Variants in GPBP1 observed in about 807,000 individuals in gnomAD.
GPBP1 encodes the protein vasculin.
GPBP1 carries 13 observed loss-of-function variants against 56.5 expected under a neutral mutation model. The ratio of observed to expected loss-of-function variants is 0.23; its 90% CI spans 0.15 to 0.37. The LOEUF is 0.37. Ranked by LOEUF, GPBP1 falls within the 10% of genes least tolerant of loss-of-function variation. GPBP1 has a pLI of 1.00. For missense variants in GPBP1, 477 were observed against 572.3 expected, an observed-to-expected ratio of 0.83 and a Z score of 1.70; for synonymous variants, 204 against 188.9, an observed-to-expected ratio of 1.08 and a Z score of -0.66.
intron 3 of GPBP1, among the ~76,000 whole-genome samples, chr5:57,228,420 A>G (rs1422736616): frequency 2.0e-5 from 3 of 151,130 alleles, no homozygotes; most frequent in East Asian, 3.9e-4. Context: ...GCACCATTGC[A>G]CTCCAGCCTG....
At chr5:57,260,039 T>A (rs1351439866) in intron 10 of GPBP1, among the ~76,000 whole-genome samples, 1 of 152,222 alleles carries the variant, frequency 6.6e-6, no homozygotes, top group Non-Finnish European at 1.5e-5. Context: ...TGCTTCAGAA[T>A]CTTGATCCCA....
At chr5:57,208,495 A>G (rs112295807) in intron 2 of GPBP1, among the ~76,000 whole-genome samples, 2,468 of 152,052 alleles carry the variant, frequency 0.016, 67 homozygotes, top group African/African-American at 0.057. Flanking sequence ...GTCCTCCCAC[A>G]GTGCTGGGAT....
chr5:57,182,632 A>G (rs1040447959), intron 2 of GPBP1, among the ~76,000 whole-genome samples: 5 of 151,984 alleles, frequency 3.3e-5, no homozygotes, highest in African/African-American at 9.7e-5. Flanking sequence ...CAGCCTCCCA[A>G]AGTGCTGGGA....
At chr5:57,250,617 A>C (rs905929032) in intron 9 of GPBP1, among the ~76,000 whole-genome samples, 1 of 148,174 alleles carries the variant, frequency 6.7e-6, no homozygotes, top group African/African-American at 2.5e-5. Flanking sequence ...ATCTTGGCTC[A>C]CTGCAACCTC....
chr5:57,228,941 TTGTC>T (rs762279877), intron 3 of GPBP1, among the ~76,000 whole-genome samples: 9 of 151,936 alleles, frequency 5.9e-5, no homozygotes, highest in Admixed American at 2.0e-4. Flanking sequence ...TAATGAATAA[TTGTC>T]TGGGCTGAGT....
intron 6 of GPBP1, among the ~76,000 whole-genome samples, chr5:57,242,113 A>G (rs1435605574): frequency 6.6e-6 from 1 of 152,196 alleles, no homozygotes; most frequent in African/African-American, 2.4e-5. Flanking sequence ...TACACAGGAC[A>G]TAGATTGGTT....
intron 8 of GPBP1, 94 bp from the exon 9 acceptor site, chr5:57,249,315 A>G (rs1395951354): frequency 4.3e-6 from 4 of 923,966 alleles, no homozygotes; most frequent in African/African-American, 3.4e-5. Context: ...TTTTGTGAGT[A>G]AAGGTAAAAT....
At chr5:57,233,870 G>A (rs983140026) in intron 5 of GPBP1, among the ~76,000 whole-genome samples, 1 of 152,162 alleles carries the variant, frequency 6.6e-6, no homozygotes, top group African/African-American at 2.4e-5. Context: ...GGTTAAATTA[G>A]TAATACAATT....
chr5:57,260,628 C>A (rs1012730050), intron 10 of GPBP1, among the ~76,000 whole-genome samples: 1 of 152,106 alleles, frequency 6.6e-6, no homozygotes, highest in African/African-American at 2.4e-5. Context: ...CCATGATACA[C>A]ATTTTTTATG....
intron 10 of GPBP1, among the ~76,000 whole-genome samples, chr5:57,259,204 A>C (rs1431758051): frequency 4.6e-5 from 7 of 152,266 alleles, no homozygotes; most frequent in Non-Finnish European, 1.0e-4. Context: ...TGGGAGACAG[A>C]AAACCAAAAT....
At position 57,233,295 on chromosome 5, in the gene GPBP1, G is replaced by T. The variant is rs570153035; in HGVS notation, c.411+1974G>T. ...TGGTGAGGGAAATAGAAAAATAAAA[G>T]ATTACTCTTAGGTCCTGTTATCAAG... is the stretch of plus-strand genomic sequence containing the variant. On this transcript the variant is annotated intron_variant, in intron 5 of 11. Transcript: ENST00000506184. Among the ~76,000 whole-genome samples, 90 of 152,240 alleles carry T rather than the reference G, an allele frequency of 5.9e-4. 2 individuals are homozygous for T. The South Asian group carries it at 0.018, about 31-fold the overall frequency.
chr5:57,262,791 A>C lies in GPBP1; in HGVS notation c.*39A>C. ...AGCTTTAGAAATCTTAGTGTGATAC[A>C]TCTCTCATACAGTTTGGGGTGAATT... On this transcript the variant is annotated 3_prime_UTR_variant, in exon 12 of 12. Transcript: ENST00000506184. 6.4e-7 allele frequency: 1 copy of C among 1,567,058 alleles called. No individual in the cohort carries two copies. Among genetic ancestry groups the C allele is most frequent in the Non-Finnish European group, 8.8e-7 (1 of 1,138,860 alleles).
In GPBP1 at chr5:57,199,163, T is replaced by G. The variant is rs548114279; in HGVS notation, c.-57-14911T>G. Among the ~76,000 whole-genome samples the G allele has an allele frequency of 2.4e-3, 371 of 152,360 alleles. 4 individuals are homozygous for G. Among genetic ancestry groups the G allele is most frequent in the African/African-American group, 8.6e-3 (357 of 41,588 alleles). ...TATCAATTCCACAATATTTATGTTC[T>G]TTTAACATACAAAATAGTTGTACGT... On this transcript the variant is annotated intron_variant, in intron 2 of 11. Transcript: ENST00000506184.
At chr5:57,248,573 T>C (rs1741635667) in intron 8 of GPBP1, among the ~76,000 whole-genome samples, 1 of 152,088 alleles carries the variant, frequency 6.6e-6, no homozygotes, top group Non-Finnish European at 1.5e-5. Flanking sequence ...GACTACAGGC[T>C]GGGCATGTAG....
intron 2 of GPBP1, among the ~76,000 whole-genome samples, chr5:57,192,791 T>G (rs1034991413): frequency 3.3e-5 from 5 of 150,878 alleles, no homozygotes; most frequent in African/African-American, 1.2e-4. Context: ...GTTACTTACA[T>G]GTCTATTACG....
At chr5:57,236,438 T>G (rs1756665175) in intron 6 of GPBP1, among the ~76,000 whole-genome samples, 1 of 152,136 alleles carries the variant, frequency 6.6e-6, no homozygotes, top group Non-Finnish European at 1.5e-5. Flanking sequence ...TTAATATTTT[T>G]ACCTATGAAA....
At chr5:57,202,418 A>T (rs1473689144) in intron 2 of GPBP1, among the ~76,000 whole-genome samples, 1 of 151,974 alleles carries the variant, frequency 6.6e-6, no homozygotes, top group Non-Finnish European at 1.5e-5. Context: ...CGTCCTGAGT[A>T]GCTGGAATTA....
At chr5:57,256,913 ATGGAATGT>A (rs1305229199) in intron 10 of GPBP1, among the ~76,000 whole-genome samples, 1 of 152,196 alleles carries the variant, frequency 6.6e-6, no homozygotes, top group East Asian at 1.9e-4. Flanking sequence ...CCCTGTCAAA[ATGGAATGT>A]TACTTCTTTT....
chr5:57,247,710 G>A (rs1197953462), intron 8 of GPBP1, among the ~76,000 whole-genome samples: 1 of 152,056 alleles, frequency 6.6e-6, no homozygotes, highest in Non-Finnish European at 1.5e-5. Context: ...GTGGGGATGG[G>A]GGGGAATTCC....
Sources: allele counts gnomAD v4.1 joint callset (sites outside exome capture counted in the v4.1 genomes callset), GRCh38; gene constraint gnomAD v4.1.1; transcripts MANE v1.5; gene names NCBI Gene and HGNC (gene_info 2026-07-23, HGNC 2026-07-21).